Variants in SH3PXD2B observed in about 807,000 individuals in gnomAD.
The protein encoded by SH3PXD2B is SH3 and PX domains 2B.
Under a neutral mutation model 73.1 loss-of-function variants are expected in SH3PXD2B, and 37 were observed. The observed-to-expected ratio is 0.51, with a 90% confidence interval of 0.39 to 0.67. SH3PXD2B has a LOEUF of 0.67. Among genes scored for constraint, SH3PXD2B ranks in the 30% least tolerant of loss-of-function variants. The pLI, the probability that SH3PXD2B is intolerant of heterozygous loss-of-function variation, is 0.00. For missense variants in SH3PXD2B, 1,053 were observed against 1,197.8 expected (o/e 0.88, Z 1.78); for synonymous variants, 457 against 480.5 (o/e 0.95, Z 0.64).
chr5:172,363,563 C>T (rs10078263), intron 6 of SH3PXD2B, among the ~76,000 whole-genome samples: 7,647 of 152,200 alleles, frequency 0.05, 262 homozygotes, highest in African/African-American at 0.1. Flanking sequence ...CTACATTTAA[C>T]GGGGTGGCTG....
intron 2 of SH3PXD2B, among the ~76,000 whole-genome samples, chr5:172,416,299 A>G (rs1207107875): frequency 6.7e-6 from 1 of 150,110 alleles, no homozygotes; most frequent in African/African-American, 2.5e-5. Context: ...ACTGCACTCC[A>G]GCCTGAGTGA....
In SH3PXD2B at chr5:172,339,021, G is replaced by A. The variant is rs758884359; in HGVS notation, c.2084C>T (p.Ala695Val). 27 of 1,614,028 alleles carry A rather than the reference G, an allele frequency of 1.7e-5. 1 individual carries two copies. The African/African-American group carries it at 3.6e-4, about 22-fold the overall frequency. The change falls in exon 13 of 13, where the codon GCC (alanine) becomes GTC (valine). Residue 695 changes from alanine (A) to valine (V), a missense_variant. Physicochemically the swap from Ala to Val is moderately conservative, Grantham distance 64. Around this residue, in one of 2 missense-constraint regions of SH3PXD2B, gnomAD observed 587 missense variants for 590.7 expected, o/e 0.99. Coordinates refer to ENST00000311601, the MANE Select transcript of SH3PXD2B (RefSeq NM_001017995.3). The surrounding 1 kb of genome is among the most constrained non-coding windows in gnomAD (Gnocchi z 6.1). ...GPQAVGGQDV[A>V]FSRSFLPGEG... Reference sequence around the variant, plus strand: ...TCCTGGGAGGAAGCTTCGGCTGAAGGCCACGTCTTGGCCCCCTACTGCCTG... The same window carrying A: ...TCCTGGGAGGAAGCTTCGGCTGAAGACCACGTCTTGGCCCCCTACTGCCTG...
intron 3 of SH3PXD2B, among the ~76,000 whole-genome samples, chr5:172,398,374 G>T (rs550599243): frequency 2.0e-5 from 3 of 152,296 alleles, no homozygotes; most frequent in South Asian, 2.1e-4. Flanking sequence ...TCAATGGAAA[G>T]TACTTCCTCA....
At position 172,333,819 on chromosome 5, in the gene SH3PXD2B, G is replaced by T. The variant is rs536885953; in HGVS notation, c.*4550C>A. The stretch of plus-strand genomic sequence containing the variant: ...GTTACTTGGAAGCTCCCCAAAGCAG[G>T]AAATGTGGGTTGTAATCAAGGTGGC... On this transcript the variant is annotated 3_prime_UTR_variant, in exon 13 of 13. Transcript: ENST00000311601. 1 of 1,288,528 alleles carries T rather than the reference G, an allele frequency of 7.8e-7. No individual in the cohort carries two copies. The highest frequency in any genetic ancestry group is 1.0e-6 in the Non-Finnish European group (1 of 988,590). 79.8% of individuals were successfully genotyped at this position (1,288,528 alleles called of 1,614,324 possible). A position where few individuals can be genotyped will look rare whatever the true frequency, so the allele number is the denominator to read the frequency against.
chr5:172,361,692 G>C (rs1432476609), intron 7 of SH3PXD2B, among the ~76,000 whole-genome samples: 2 of 152,238 alleles, frequency 1.3e-5, no homozygotes, highest in Non-Finnish European at 2.9e-5. Context: ...TCTGCAGGCT[G>C]TTGTGAGATG....
intron 7 of SH3PXD2B, among the ~76,000 whole-genome samples, chr5:172,362,130 T>C (rs909428253): frequency 1.3e-5 from 2 of 152,224 alleles, no homozygotes; most frequent in African/African-American, 4.8e-5. Flanking sequence ...TTGTATCTTA[T>C]CTCACTTAAT....
intron 3 of SH3PXD2B, among the ~76,000 whole-genome samples, chr5:172,404,816 G>A (rs1758515466): frequency 6.6e-6 from 1 of 152,178 alleles, no homozygotes; most frequent in African/African-American, 2.4e-5. Context: ...CAGAGTTGGT[G>A]AGGGGGGCAT....
Position 172,358,801 on chromosome 5 carries a change from C to G in SH3PXD2B, c.639G>C (p.Gln213His). The G allele has an allele frequency of 1.2e-6, 2 of 1,613,624 alleles. No homozygotes were observed. Among genetic ancestry groups the G allele is most frequent in the South Asian group, 2.2e-5 (2 of 90,922 alleles). Residue 213 changes from glutamine to histidine, a missense_variant, in exon 8 of 13, where the codon CAG becomes CAC. By Grantham distance (24) the Gln-to-His change is conservative. Around this residue, in one of 2 missense-constraint regions of SH3PXD2B, gnomAD observed 466 missense variants for 607.1 expected, o/e 0.77. Transcript: ENST00000311601. ...CTTCAGGCTGCAGAGAAAACTCATC[C>G]TGCACCCCATCCTGGCCTTCGAGGC... Reference protein sequence around the residue: ...ATCLEGQDGVQDEFSLQPEEE... With the variant: ...ATCLEGQDGVHDEFSLQPEEE...
Position 172,338,915 on chromosome 5 carries a change from CG to C in SH3PXD2B, c.2189del (p.Pro730ArgfsTer121). ...CAGGATCTGTGGTCTTGGCTGGCCT[CG>C]GAGGGGCTCTGCAGGAAATCTCTTT... ...SPKEISCRAP[P>X]RPAKTTDPVS... On this transcript the variant is annotated frameshift_variant, in exon 13 of 13. Transcript: ENST00000311601. LOFTEE classifies it low-confidence loss of function (END_TRUNC). This position sits in a 1 kb window ranked among gnomAD's most constrained non-coding sequence, Gnocchi z 5.1. 1 of 1,614,040 alleles carries C rather than the reference CG, an allele frequency of 6.2e-7. No homozygotes were observed. Among genetic ancestry groups the C allele is most frequent in the Non-Finnish European group, 8.5e-7 (1 of 1,179,910 alleles).
chr5:172,373,817 T>G lies in SH3PXD2B; in HGVS notation c.402-2A>C, dbSNP rs1757762900. The G allele has an allele frequency of 6.2e-7, 1 of 1,613,960 alleles. No individual in the cohort carries two copies. Among genetic ancestry groups the G allele is most frequent in the Admixed American group, 1.7e-5 (1 of 60,002 alleles). On this transcript the variant is annotated splice_acceptor_variant, in intron 5 of 12. Coordinates refer to ENST00000311601, the MANE Select transcript of SH3PXD2B (RefSeq NM_001017995.3). LOFTEE classifies it high-confidence loss of function. ...GATTTCTTTTTCCCAATGTGCTCCC[T>G]GTACAGGAAAGAAAGGGGGTGGGAA...
intron 2 of SH3PXD2B, among the ~76,000 whole-genome samples, chr5:172,417,218 C>A (rs770790765): frequency 3.9e-5 from 6 of 152,246 alleles, no homozygotes; most frequent in Non-Finnish European, 8.8e-5. Flanking sequence ...ACTGATTCTA[C>A]TTTCAGTCCC....
chr5:172,348,332 T>TC (rs1473171341), intron 10 of SH3PXD2B, among the ~76,000 whole-genome samples: 1 of 144,708 alleles, frequency 6.9e-6, no homozygotes, highest in East Asian at 2.0e-4. Context: ...AAGCAACGCC[T>TC]TTTTTTTTTT....
chr5:172,389,568 CAAAAA>C (rs34351709), intron 4 of SH3PXD2B, among the ~76,000 whole-genome samples: 1 of 103,616 alleles, frequency 9.7e-6, no homozygotes, highest in Admixed American at 1.1e-4. Flanking sequence ...TCATCTCTAC[CAAAAA>C]AAAAAAAAAA....
At chr5:172,452,310 CA>C (rs1043872155) in intron 1 of SH3PXD2B, among the ~76,000 whole-genome samples, 2 of 152,190 alleles carry the variant, frequency 1.3e-5, no homozygotes, top group African/African-American at 4.8e-5. Context: ...AGACGGTTCT[CA>C]AAGCGCAAAA....
At chr5:172,358,223 G>A (rs941425083) in intron 8 of SH3PXD2B, among the ~76,000 whole-genome samples, 4 of 152,146 alleles carry the variant, frequency 2.6e-5, no homozygotes, top group African/African-American at 4.8e-5. Context: ...TGTTTCTAGC[G>A]GGGAAAGGGA....
intron 10 of SH3PXD2B, among the ~76,000 whole-genome samples, chr5:172,348,143 A>G (rs1296359380): frequency 1.3e-5 from 2 of 152,214 alleles, no homozygotes; most frequent in Non-Finnish European, 2.9e-5. Context: ...TGGCCAAGAC[A>G]CTTAGCTGTC....
intron 7 of SH3PXD2B, among the ~76,000 whole-genome samples, chr5:172,361,229 A>C (rs543582266): frequency 6.6e-6 from 1 of 152,320 alleles, no homozygotes; most frequent in South Asian, 2.1e-4. Context: ...ATGTGTATAT[A>C]ACATTTTCAA....
At position 172,337,798 on chromosome 5, in the gene SH3PXD2B, G is replaced by A. The variant is rs150134055; in HGVS notation, c.*571C>T. ...ATCCAGTGGAACCTCAGAGGCCCAC[G>A]GGCCTGAGGCTTTGGGGAAGGGGAC... On this transcript the variant is annotated 3_prime_UTR_variant, in exon 13 of 13. Transcript: ENST00000311601. 8.4e-4 allele frequency: 838 copies of A among 996,222 alleles called. 11 individuals are homozygous for A. In the African/African-American group the frequency reaches 0.013, roughly 15 times the overall value. The allele number at this position is 996,222 out of a possible 1,614,324, so 61.7% of individuals were successfully genotyped here.
chr5:172,394,438 C>G, intron 4 of SH3PXD2B, 125 bp downstream of exon 4: 1 of 918,034 alleles, frequency 1.1e-6, no homozygotes, highest in African/African-American at 1.6e-5. Context: ...ATGATTTTCC[C>G]CCTAATTTCT....
Sources: allele counts gnomAD v4.1 joint callset (sites outside exome capture counted in the v4.1 genomes callset), GRCh38; gene constraint gnomAD v4.1.1; regional missense constraint gnomAD v4.1.1; non-coding constraint Gnocchi (gnomAD v3.1); transcripts MANE v1.5; gene names NCBI Gene and HGNC (gene_info 2026-07-23, HGNC 2026-07-21).